Variants in ROBO2 observed in about 807,000 individuals in gnomAD.
ROBO2 encodes the protein roundabout guidance receptor 2, also known as roundabout homolog 2.
Under a neutral mutation model 160.8 loss-of-function variants are expected in ROBO2, and 53 were observed. The ratio of observed to expected loss-of-function variants is 0.33; its 90% CI spans 0.26 to 0.41. The LOEUF (loss-of-function observed/expected upper bound fraction) is 0.41. Ranked by LOEUF, ROBO2 falls within the 10% of genes least tolerant of loss-of-function variation. ROBO2 has a pLI of 1.00. For synonymous variants in ROBO2, 664 were observed against 611.7 expected (o/e 1.09, Z -1.26); for missense variants, 1,577 against 1,722.4 (o/e 0.92, Z 1.49).
At chr3:75,932,273 A>G (rs991294810) in intron 1 of ROBO2, among the ~76,000 whole-genome samples, 2 of 152,152 alleles carry the variant, frequency 1.3e-5, no homozygotes, top group African/African-American at 2.4e-5. Context: ...TCTCTTAGTT[A>G]TATTCATTTA....
In ROBO2 at chr3:77,440,094, A is replaced by C. The variant is rs2079757707; in HGVS notation, c.389-37320A>C. Among the ~76,000 whole-genome samples, 4 of 152,210 alleles carry C rather than the reference A, an allele frequency of 2.6e-5. No individual in the cohort carries two copies. The South Asian group carries it at 8.3e-4, about 32-fold the overall frequency. Reference sequence around the variant, plus strand: ...CAGGATATAAATGTAGCTAAAACACAGAAGTTGTTTTCATTTATGTCAGTC... The same window carrying C: ...CAGGATATAAATGTAGCTAAAACACCGAAGTTGTTTTCATTTATGTCAGTC... On this transcript the variant is annotated intron_variant, in intron 2 of 25. Transcript: ENST00000461745.
chr3:77,391,731 G>A (rs1330850504), intron 2 of ROBO2, among the ~76,000 whole-genome samples: 4 of 151,680 alleles, frequency 2.6e-5, no homozygotes, highest in African/African-American at 4.8e-5. Context: ...TTTTTTTGTT[G>A]GAATTTTAGT....
chr3:77,377,943 G>T (rs890681531), intron 2 of ROBO2, among the ~76,000 whole-genome samples: 2 of 152,116 alleles, frequency 1.3e-5, no homozygotes, highest in African/African-American at 4.8e-5. Flanking sequence ...AGAGGTGAGG[G>T]ATAATTTTTA....
At chr3:76,615,397 G>GT (rs1343326949) in intron 2 of ROBO2, among the ~76,000 whole-genome samples, 2 of 152,048 alleles carry the variant, frequency 1.3e-5, no homozygotes, top group Non-Finnish European at 2.9e-5. Flanking sequence ...AGATCAAATT[G>GT]TTTAATAATA....
intron 2 of ROBO2, among the ~76,000 whole-genome samples, chr3:77,110,572 A>C (rs567938459): frequency 6.6e-6 from 1 of 151,366 alleles, no homozygotes; most frequent in Admixed American, 6.6e-5. Context: ...CTTGACTTAA[A>C]CCTTACAAAT....
chr3:77,031,380 A>G (rs1194233934), intron 2 of ROBO2, among the ~76,000 whole-genome samples: 1 of 150,488 alleles, frequency 6.6e-6, no homozygotes, highest in Non-Finnish European at 1.5e-5. Flanking sequence ...CATATAAAAA[A>G]CTTCCTTTTT....
At chr3:77,173,659 A>G (rs560136669) in intron 2 of ROBO2, among the ~76,000 whole-genome samples, 1 of 152,266 alleles carries the variant, frequency 6.6e-6, no homozygotes, top group East Asian at 1.9e-4. Context: ...TGTGTGTTGT[A>G]TAAATTTATT....
At chr3:77,634,887 T>G (rs1171744435) in exon 24 of ROBO2, 1 of 1,614,032 alleles carries the variant, frequency 6.2e-7, no homozygotes, top group Non-Finnish European at 8.5e-7. Context: ...CTTTACCTCC[T>G]CTCAAAGACC....
At chr3:76,037,005 T>C (rs1015207981) in intron 2 of ROBO2, among the ~76,000 whole-genome samples, 10 of 152,122 alleles carry the variant, frequency 6.6e-5, no homozygotes, top group South Asian at 2.1e-4. Flanking sequence ...TATCTTGCCA[T>C]CCTCTTTGTT....
intron 2 of ROBO2, among the ~76,000 whole-genome samples, chr3:76,681,528 G>T (rs2106932305): frequency 6.6e-6 from 1 of 151,972 alleles, no homozygotes; most frequent in Admixed American, 6.6e-5. Flanking sequence ...AGCCTATTTT[G>T]GGTGAGGTGA....
Position 76,894,764 on chromosome 3 carries a change from C to A in ROBO2, c.110-203250C>A, listed in dbSNP as rs12486134. Among the ~76,000 whole-genome samples the A allele has an allele frequency of 2.4e-3, 369 of 152,164 alleles. 1 individual carries two copies. The highest frequency in any genetic ancestry group is 4.8e-3 in the Admixed American group (73 of 15,274). On this transcript the variant is annotated intron_variant, in intron 2 of 26. Transcript: ENST00000487694. ...TCCTGTGTATACCATGGACAAAGTT[C>A]CTGGAGAAAACATGTTTATCTAACT...
At chr3:77,233,651 TTTA>T (rs1167730163) in intron 2 of ROBO2, among the ~76,000 whole-genome samples, 3 of 152,212 alleles carry the variant, frequency 2.0e-5, no homozygotes, top group Non-Finnish European at 4.4e-5. Context: ...GTATATGCAC[TTTA>T]TTATTTTAAT....
intron 2 of ROBO2, among the ~76,000 whole-genome samples, chr3:75,967,085 A>C (rs1005686157): frequency 6.6e-6 from 1 of 151,616 alleles, no homozygotes; most frequent in Non-Finnish European, 1.5e-5. Context: ...TCATAAGTAA[A>C]ATTTTTACTC....
chr3:77,617,729 T>G, exon 22 of ROBO2: 1 of 1,613,926 alleles, frequency 6.2e-7, no homozygotes, highest in Non-Finnish European at 8.5e-7. Flanking sequence ...CTCACCTGGA[T>G]GAGTTGACAA....
intron 2 of ROBO2, among the ~76,000 whole-genome samples, chr3:76,217,539 A>C (rs1041566663): frequency 2.0e-5 from 3 of 152,236 alleles, no homozygotes; most frequent in Non-Finnish European, 4.4e-5. Flanking sequence ...AAAAACCTCT[A>C]CGCAAATAAA....
intron 2 of ROBO2, among the ~76,000 whole-genome samples, chr3:77,311,860 G>A (rs1315896729): frequency 1.3e-5 from 2 of 152,134 alleles, no homozygotes; most frequent in Admixed American, 1.3e-4. Flanking sequence ...GCCGAGGTGG[G>A]CAGATCACTT....
exon 1 of ROBO2, chr3:75,906,854 A>T (rs1181606050): frequency 1.3e-5 from 2 of 151,932 alleles, no homozygotes; most frequent in Non-Finnish European, 2.9e-5. Context: ...GTCCGGGGGG[A>T]GCTGTTCCGC....
At chr3:77,118,738 C>G (rs2074443556) in intron 2 of ROBO2, among the ~76,000 whole-genome samples, 2 of 152,166 alleles carry the variant, frequency 1.3e-5, no homozygotes, top group South Asian at 4.1e-4. Flanking sequence ...CATTGCTTAA[C>G]AACAGGGATA....
rs539098476 is a variant in ROBO2 at position 77,488,529 on chromosome 3, A to C, written c.668-4715A>C. Among the ~76,000 whole-genome samples the C allele has an allele frequency of 2.0e-4, 30 of 152,334 alleles. 1 individual carries two copies. Among genetic ancestry groups the C allele is most frequent in the Admixed American group, 2.0e-3 (30 of 15,298 alleles). ...ATTCAATAGTTTAAGATTTTCATGC[A>C]TACTTATTTTAATTGTACAGAGCTC... is the stretch of plus-strand genomic sequence containing the variant. On this transcript the variant is annotated intron_variant, in intron 4 of 25. Coordinates refer to ENST00000461745, the Ensembl canonical transcript of ROBO2.
Sources: gnomAD v4.1 joint callset for allele counts (sites outside exome capture counted in the v4.1 genomes callset) on GRCh38, gnomAD v4.1.1 for gene constraint, MANE v1.5 for transcripts, NCBI Gene and HGNC (gene_info 2026-07-23, HGNC 2026-07-21) for gene names.